EPHB1: variants seen among roughly 807,000 people sequenced by gnomAD.
EPHB1 encodes ephrin type-B receptor 1.
In EPHB1, 30 loss-of-function variants were observed where a neutral mutation model predicts 94.4. The ratio of observed to expected loss-of-function variants is 0.32; its 90% CI spans 0.24 to 0.43. The LOEUF (loss-of-function observed/expected upper bound fraction) is 0.43. Among genes scored for constraint, EPHB1 ranks in the 20% least tolerant of loss-of-function variants. The pLI, the probability that EPHB1 is intolerant of heterozygous loss-of-function variation, is 1.00. For synonymous variants in EPHB1, 522 were observed against 489.1 expected (o/e 1.07, Z -0.89); for missense variants, 1,055 against 1,308.3 (o/e 0.81, Z 2.99).
chr3:135,068,657 T>G (rs778738843), intron 3 of EPHB1, among the ~76,000 whole-genome samples: 13 of 147,240 alleles, frequency 8.8e-5, no homozygotes, highest in Non-Finnish European at 1.6e-4. Flanking sequence ...ATTTTTTTTT[T>G]TTTGTTTTTG....
intron 3 of EPHB1, among the ~76,000 whole-genome samples, chr3:134,963,236 AAGTG>A (rs1414017848): frequency 2.0e-5 from 3 of 151,828 alleles, no homozygotes; most frequent in Non-Finnish European, 4.4e-5. Flanking sequence ...TCATGTTAAA[AAGTG>A]AGTTAATTTA....
intron 11 of EPHB1, among the ~76,000 whole-genome samples, chr3:135,201,230 A>T (rs1942744520): frequency 6.6e-6 from 1 of 151,716 alleles, no homozygotes; most frequent in Non-Finnish European, 1.5e-5. Context: ...GGCAGTGGAG[A>T]TGGAAAGAAG....
chr3:134,864,845 A>G (rs917513010), intron 1 of EPHB1, among the ~76,000 whole-genome samples: 1 of 152,216 alleles, frequency 6.6e-6, no homozygotes, highest in Non-Finnish European at 1.5e-5. Context: ...GGAAGTGAAT[A>G]CAGTCCACAG....
At chr3:135,077,206 C>T (rs527566009) in intron 3 of EPHB1, among the ~76,000 whole-genome samples, 1 of 152,290 alleles carries the variant, frequency 6.6e-6, no homozygotes, top group African/African-American at 2.4e-5. Context: ...GCTTTGGACC[C>T]CGTGGGACAA....
chr3:134,927,513 G>T (rs1029701163), intron 2 of EPHB1, among the ~76,000 whole-genome samples: 1 of 152,168 alleles, frequency 6.6e-6, no homozygotes, highest in African/African-American at 2.4e-5. Context: ...AGCTGATGAG[G>T]CAGCAGTTCT....
In EPHB1 at chr3:134,974,058, G is replaced by T. The variant is rs113999381; in HGVS notation, c.805+22006G>T. ...AGAGAGTGCTGTGAAGTGATATAGA[G>T]CTGCATATGGGCTGGAGGAATATCC... On this transcript the variant is annotated intron_variant, in intron 3 of 15. Transcript: ENST00000398015. Among the ~76,000 whole-genome samples the T allele has an allele frequency of 2.3e-3, 346 of 152,228 alleles. 2 individuals carry two copies. Among genetic ancestry groups the T allele is most frequent in the African/African-American group, 8.0e-3 (332 of 41,542 alleles).
chr3:135,052,962 T>C (rs1172831609), intron 3 of EPHB1, among the ~76,000 whole-genome samples: 1 of 130,814 alleles, frequency 7.6e-6, no homozygotes, highest in Non-Finnish European at 1.6e-5. Flanking sequence ...TATATGTGTG[T>C]ATATATATGT....
chr3:135,052,890 AATAT>A (rs1553726756), intron 3 of EPHB1, among the ~76,000 whole-genome samples: 5 of 54,610 alleles, frequency 9.2e-5, no homozygotes, highest in African/African-American at 3.2e-4. Flanking sequence ...AAAAAAAAAA[AATAT>A]ATATATATAT....
intron 1 of EPHB1, among the ~76,000 whole-genome samples, chr3:134,906,066 T>C (rs75506568): frequency 0.04 from 6,053 of 152,250 alleles, 389 homozygotes; most frequent in African/African-American, 0.14. Context: ...GCGATCCCAT[T>C]GATGTGCCAA....
At chr3:134,819,824 G>A (rs1378016512) in intron 1 of EPHB1, among the ~76,000 whole-genome samples, 1 of 152,036 alleles carries the variant, frequency 6.6e-6, no homozygotes, top group African/African-American at 2.4e-5. Context: ...TTTCTAGCCC[G>A]GTCTTGCCTA....
At chr3:134,896,967 C>T (rs185991929) in intron 1 of EPHB1, among the ~76,000 whole-genome samples, 2 of 152,348 alleles carry the variant, frequency 1.3e-5, no homozygotes, top group East Asian at 1.9e-4. Flanking sequence ...TAATATCTGC[C>T]TGTCACCAGG....
At chr3:135,069,168 A>G (rs950732420) in intron 3 of EPHB1, among the ~76,000 whole-genome samples, 45 of 151,516 alleles carry the variant, frequency 3.0e-4, no homozygotes, top group East Asian at 2.4e-3. Flanking sequence ...ATGATTTTTA[A>G]ATTTTTTTTA....
intron 1 of EPHB1, among the ~76,000 whole-genome samples, chr3:134,855,553 G>A (rs527488133): frequency 2.0e-5 from 3 of 152,326 alleles, no homozygotes; most frequent in Admixed American, 1.3e-4. Context: ...TCTGCACAGA[G>A]ATATCAGAAG....
chr3:135,185,655 C>G (rs184893089), intron 10 of EPHB1, among the ~76,000 whole-genome samples: 1 of 152,312 alleles, frequency 6.6e-6, no homozygotes, highest in Non-Finnish European at 1.5e-5. Context: ...AGAATTTAAA[C>G]CCAGCTAGAG....
chr3:135,049,026 A>G (rs1576345002), intron 3 of EPHB1, among the ~76,000 whole-genome samples: 1 of 152,292 alleles, frequency 6.6e-6, no homozygotes, highest in African/African-American at 2.4e-5. Context: ...GCCTTTGGCC[A>G]TCACAGTCCA....
At chr3:135,009,846 T>C (rs1382747809) in intron 3 of EPHB1, among the ~76,000 whole-genome samples, 1 of 152,250 alleles carries the variant, frequency 6.6e-6, no homozygotes, top group Non-Finnish European at 1.5e-5. Context: ...CGTTTCTGAT[T>C]ATGCTTTTAA....
chr3:135,167,029 G>A, intron 9 of EPHB1, 23 bp downstream of exon 9: 1 of 1,613,624 alleles, frequency 6.2e-7, no homozygotes, highest in Non-Finnish European at 8.5e-7. Context: ...CAGAGACCCG[G>A]TGTCTGACCC....
intron 3 of EPHB1, among the ~76,000 whole-genome samples, chr3:135,020,232 G>T (rs1478227922): frequency 6.6e-6 from 1 of 152,016 alleles, no homozygotes; most frequent in Non-Finnish European, 1.5e-5. Context: ...TTGGTTATTT[G>T]CCATTAATTT....
At chr3:135,076,260 T>TATATATATATATATATATATATATATA (rs1424213544) in intron 3 of EPHB1, among the ~76,000 whole-genome samples, 4 of 104,348 alleles carry the variant, frequency 3.8e-5, no homozygotes, top group African/African-American at 1.4e-4. Context: ...TATATATATA[T>TATATATATATATATATATATATATATA]AACTCTTAAA....
Sources: allele counts gnomAD v4.1 joint callset (sites outside exome capture counted in the v4.1 genomes callset), GRCh38; gene constraint gnomAD v4.1.1; transcripts MANE v1.5; gene names NCBI Gene and HGNC (gene_info 2026-07-23, HGNC 2026-07-21).